ZHX2: variants seen among roughly 807,000 people sequenced by gnomAD.
The protein encoded by ZHX2 is zinc fingers and homeoboxes 2.
In ZHX2, 6 loss-of-function variants were observed where a neutral mutation model predicts 21.9. The ratio of observed to expected loss-of-function variants is 0.27; its 90% CI spans 0.15 to 0.54. The LOEUF (loss-of-function observed/expected upper bound fraction) is 0.54. Among genes scored for constraint, ZHX2 ranks in the 20% least tolerant of loss-of-function variants. ZHX2 has a pLI of 0.95. For synonymous variants in ZHX2, 434 were observed against 437.1 expected (o/e 0.99, Z 0.09); for missense variants, 908 against 1,090.7 (o/e 0.83, Z 2.36).
chr8:122,951,758 G>A lies in ZHX2; in HGVS notation c.248G>A (p.Cys83Tyr). The change falls in exon 3 of 4, where the codon TGC (cysteine) becomes TAC (tyrosine). Residue 83 changes from cysteine (C) to tyrosine (Y), a missense_variant. This residue lies in a region of ZHX2 where 220 missense variants were observed against 251.4 expected (regional missense o/e 0.88). Coordinates refer to ENST00000314393, the MANE Select transcript of ZHX2 (RefSeq NM_014943.5). ...CAAGGTGGTTATGAGTGCAAATACT[G>A]CCCCTACTCCACGCAAAACCTGAAC... The part of the protein sequence containing the change: ...KLQGGYECKY[C>Y]PYSTQNLNEF... 6.2e-7 allele frequency: 1 copy of A among 1,614,066 alleles called. No individual in the cohort carries two copies. Among genetic ancestry groups the A allele is most frequent in the Non-Finnish European group, 8.5e-7 (1 of 1,180,032 alleles).
At chr8:122,870,585 G>C (rs557374130) in intron 2 of ZHX2, among the ~76,000 whole-genome samples, 1 of 138,980 alleles carries the variant, frequency 7.2e-6, no homozygotes, top group Admixed American at 7.8e-5. Context: ...GTTGCAGTGA[G>C]CCAAGATCGT....
intron 1 of ZHX2, among the ~76,000 whole-genome samples, chr8:122,804,122 AT>A (rs904867758): frequency 6.6e-6 from 1 of 151,976 alleles, no homozygotes; most frequent in Non-Finnish European, 1.5e-5. Context: ...ATATTTATTT[AT>A]TTTTTGAGAC....
At chr8:122,837,255 C>T (rs901026712) in intron 1 of ZHX2, among the ~76,000 whole-genome samples, 2 of 152,152 alleles carry the variant, frequency 1.3e-5, no homozygotes, top group Non-Finnish European at 2.9e-5. Context: ...TTTATGGACT[C>T]GCCCTGAATT....
chr8:122,833,725 G>C (rs1170660447), intron 1 of ZHX2, among the ~76,000 whole-genome samples: 3 of 152,130 alleles, frequency 2.0e-5, no homozygotes, highest in Non-Finnish European at 2.9e-5. Flanking sequence ...GGCCGGGCGC[G>C]GTGGCTCACG....
At chr8:122,884,300 T>G (rs1176738523) in intron 2 of ZHX2, among the ~76,000 whole-genome samples, 1 of 152,248 alleles carries the variant, frequency 6.6e-6, no homozygotes, top group Admixed American at 6.5e-5. Flanking sequence ...CGGATAAAGT[T>G]TTCTGTGCTC....
At chr8:122,792,731 A>T (rs955728524) in intron 1 of ZHX2, among the ~76,000 whole-genome samples, 1 of 152,160 alleles carries the variant, frequency 6.6e-6, no homozygotes, top group Admixed American at 6.5e-5. Context: ...ACACACACAC[A>T]TGCCTGGTCA....
At chr8:122,863,351 C>T (rs1039781127) in intron 1 of ZHX2, 126 bp from the exon 2 acceptor site, 6 of 151,812 alleles carry the variant, frequency 4.0e-5, no homozygotes, top group African/African-American at 7.3e-5. Context: ...TCAGTCCTCA[C>T]CATTTCCTTC....
chr8:122,821,144 G>A (rs1361190647), intron 1 of ZHX2, among the ~76,000 whole-genome samples: 1 of 152,244 alleles, frequency 6.6e-6, no homozygotes, highest in Non-Finnish European at 1.5e-5. Context: ...CTAGATTCTG[G>A]AGGAGGGGTG....
upstream of ZHX2, chr8:122,780,882 T>C (rs1019484877): frequency 3.3e-5 from 5 of 151,902 alleles, no homozygotes; most frequent in Admixed American, 3.3e-4. Flanking sequence ...TGTTTGTTTA[T>C]TGGCTCTTAA....
intron 2 of ZHX2, among the ~76,000 whole-genome samples, chr8:122,937,333 G>A (rs1462968938): frequency 6.6e-6 from 1 of 152,216 alleles, no homozygotes; most frequent in African/African-American, 2.4e-5. Flanking sequence ...GTCGATGCTG[G>A]TGCATTTGTT....
chr8:122,933,317 G>T (rs1466284625), intron 2 of ZHX2, among the ~76,000 whole-genome samples: 1 of 152,216 alleles, frequency 6.6e-6, no homozygotes, highest in Admixed American at 6.5e-5. Context: ...TGTTTTGATA[G>T]CAGAATTTGA....
intron 1 of ZHX2, among the ~76,000 whole-genome samples, chr8:122,811,050 GAGAC>G (rs1817917407): frequency 6.6e-6 from 1 of 152,192 alleles, no homozygotes; most frequent in African/African-American, 2.4e-5. Context: ...AGAATCAGTG[GAGAC>G]AGACAGAGAT....
At chr8:122,945,611 T>A (rs1812955819) in intron 2 of ZHX2, among the ~76,000 whole-genome samples, 1 of 152,116 alleles carries the variant, frequency 6.6e-6, no homozygotes, top group Non-Finnish European at 1.5e-5. Flanking sequence ...AGGGTGTATT[T>A]GGAGCTCCAG....
rs372702079 is a variant in ZHX2, at chr8:122,916,043, G to A, written c.-219-35249G>A. On this transcript the variant is annotated intron_variant, in intron 2 of 3. Coordinates refer to ENST00000314393, the MANE Select transcript of ZHX2 (RefSeq NM_014943.5). ...CTCACCCAAGTCCAGGCACCTGGGG[G>A]AAGGGCAGATGGGCCTCTTGCCTCA... is the stretch of plus-strand genomic sequence containing the variant. 2.6e-5 allele frequency among the ~76,000 whole-genome samples: 4 copies of A among 152,350 alleles called. No homozygotes were observed. The East Asian group carries it at 7.7e-4, about 29-fold the overall frequency.
At chr8:122,879,363 C>T (rs966183599) in intron 2 of ZHX2, among the ~76,000 whole-genome samples, 7 of 152,074 alleles carry the variant, frequency 4.6e-5, no homozygotes, top group East Asian at 1.9e-4. Context: ...CATGCCACCA[C>T]GCCCAGCTAA....
At chr8:122,861,079 T>G (rs576653912) in intron 1 of ZHX2, among the ~76,000 whole-genome samples, 21 of 143,320 alleles carry the variant, frequency 1.5e-4, no homozygotes, top group Non-Finnish European at 2.3e-4. Flanking sequence ...AGAGGAGTGG[T>G]CTAACATGGC....
chr8:122,962,899 GT>G (rs968062603), intron 3 of ZHX2, among the ~76,000 whole-genome samples: 7 of 148,978 alleles, frequency 4.7e-5, no homozygotes, highest in South Asian at 2.1e-4. Flanking sequence ...TTTTTTTCAT[GT>G]TTTTTTTGGC....
intron 2 of ZHX2, among the ~76,000 whole-genome samples, chr8:122,869,325 G>GTT (rs11429003): frequency 2.0e-3 from 289 of 145,016 alleles, no homozygotes; most frequent in African/African-American, 5.2e-3. Flanking sequence ...ATCCTTTTTT[G>GTT]TTTTTTTTTT....
At chr8:122,798,983 A>C (rs1347307539) in intron 1 of ZHX2, among the ~76,000 whole-genome samples, 1 of 152,138 alleles carries the variant, frequency 6.6e-6, no homozygotes. Context: ...GCTTTATAAG[A>C]GAGGCAATGG....
Sources: allele counts gnomAD v4.1 joint callset (sites outside exome capture counted in the v4.1 genomes callset), GRCh38; gene constraint gnomAD v4.1.1; regional missense constraint gnomAD v4.1.1; transcripts MANE v1.5; gene names NCBI Gene and HGNC (gene_info 2026-07-23, HGNC 2026-07-21).